The following AGAP3 variants were observed in gnomAD, a reference collection of about 807,000 sequenced individuals.
The protein encoded by AGAP3 is arf-GAP with GTPase, ANK repeat and PH domain-containing protein 3.
Under a neutral mutation model 96.9 loss-of-function variants are expected in AGAP3, and 24 were observed. That is an observed-to-expected ratio of 0.25 (90% CI 0.18 to 0.35). AGAP3 has a LOEUF of 0.35. AGAP3 is among the 10% of genes least tolerant of loss of function. AGAP3 has a pLI of 1.00. For missense variants in AGAP3, 876 were observed against 1,254.2 expected (o/e 0.70, Z 4.55); for synonymous variants, 563 against 536.1 (o/e 1.05, Z -0.69).
chr7:151,120,533 G>A (rs1049809780), intron 8 of AGAP3: 6 of 914,680 alleles, frequency 6.6e-6, no homozygotes, highest in African/African-American at 3.4e-5. Context: ...ATGAACCGGC[G>A]GCCGGAAGGC....
At chr7:151,115,674 A>G in intron 1 of AGAP3, 1 of 1,130,852 alleles carries the variant, frequency 8.8e-7, no homozygotes, top group Non-Finnish European at 1.1e-6. Flanking sequence ...CGTCTGGCAG[A>G]AAACAGCTCG....
At position 151,115,743 on chromosome 7, in the gene AGAP3, CGGGGTCTGGG is replaced by C. The variant is rs199698187; in HGVS notation, c.332-1048_332-1039del. ...AGCTGCCGCGCGCGTCCGGGGCTGG[CGGGGTCTGGG>C]GTCTGGACCGAGTGTCGTCCGCGCC... On this transcript the variant is annotated intron_variant, in intron 1 of 17. Coordinates refer to ENST00000397238, the MANE Select transcript of AGAP3 (RefSeq NM_031946.7). The C allele has an allele frequency of 8.6e-3, 6,607 of 764,678 alleles. 32 individuals are homozygous for C. The highest frequency in any genetic ancestry group is 0.01 in the Non-Finnish European group (6,208 of 613,226). 47.4% of individuals were successfully genotyped at this position (764,678 alleles called of 1,614,324 possible).
At chr7:151,115,101 C>A in intron 1 of AGAP3, 1 of 1,029,342 alleles carries the variant, frequency 9.7e-7, no homozygotes, top group Non-Finnish European at 1.2e-6. Context: ...GCCGACCCGG[C>A]GCAGCCGCAC....
intron 1 of AGAP3, among the ~76,000 whole-genome samples, chr7:151,094,982 C>T (rs1447725573): frequency 6.6e-6 from 1 of 152,108 alleles, no homozygotes; most frequent in Non-Finnish European, 1.5e-5. Context: ...TCAAGCAATC[C>T]TCCCACCTCA....
rs1251604345 is a variant in AGAP3, at chr7:151,114,849, G to T, written c.332-1944G>T. 1.9e-6 allele frequency: 2 copies of T among 1,052,610 alleles called. No homozygotes were observed. The highest frequency in any genetic ancestry group is 6.5e-5 in the South Asian group (2 of 30,650). The allele number at this position is 1,052,610 out of a possible 1,614,324, so 65.2% of individuals were successfully genotyped here. The stretch of plus-strand genomic sequence containing the variant: ...TTGCCGCCGCGCCCACAGCGTCTGC[G>T]ACTCGCTGGACCTGCACGGCGCCTC... On this transcript the variant is annotated intron_variant, in intron 1 of 17. Coordinates refer to ENST00000397238, the MANE Select transcript of AGAP3 (RefSeq NM_031946.7). The surrounding 1 kb of genome is among the most constrained non-coding windows in gnomAD (Gnocchi z 4.4).
rs767689243 is a variant in AGAP3, at chr7:151,118,358, C to T, written c.841+14C>T. ...TCTTCCAGGACGGTAACTCGGGTGC[C>T]GGGTGGGAGTCACTGGCAGCCGCGG... is the stretch of plus-strand genomic sequence containing the variant. On this transcript the variant is annotated intron_variant, in intron 6 of 17. Transcript: ENST00000397238. This position sits in a 1 kb window ranked among gnomAD's most constrained non-coding sequence, Gnocchi z 6.1. 1.3e-5 allele frequency: 21 copies of T among 1,604,512 alleles called. No homozygotes were observed. The highest frequency in any genetic ancestry group is 1.7e-5 in the Admixed American group (1 of 59,614).
chr7:151,096,080 G>A lies in AGAP3; in HGVS notation c.331+9008G>A, dbSNP rs188310530. On this transcript the variant is annotated intron_variant, in intron 1 of 17. Transcript: ENST00000397238. This position sits in a 1 kb window ranked among gnomAD's most constrained non-coding sequence, Gnocchi z 4.4. ...TGGGCATCCGTTTCATGGTGTGGGC[G>A]TGAGAAGCAAATCAGTTAACGTCTG... 8.3e-4 allele frequency among the ~76,000 whole-genome samples: 126 copies of A among 152,336 alleles called. 2 individuals carry two copies. The highest frequency in any genetic ancestry group is 3.9e-4 in the East Asian group (2 of 5,184).
intron 1 of AGAP3, chr7:151,115,453 T>G: frequency 9.9e-7 from 1 of 1,013,930 alleles, no homozygotes. Context: ...CTAGGCGCCT[T>G]CCCCAGCCGC....
At chr7:151,123,144 C>T (rs895674540) in intron 8 of AGAP3, 1 of 1,100,446 alleles carries the variant, frequency 9.1e-7, no homozygotes, top group Non-Finnish European at 1.1e-6. Flanking sequence ...CCCTCCCCTC[C>T]TCTGCTCCTT....
At position 151,117,375 on chromosome 7, in the gene AGAP3, G is replaced by T. The variant is rs1259998470; in HGVS notation, c.483G>T (p.Gly161=). Residue 161 remains glycine (G), a synonymous_variant, in exon 4 of 18, where the codon GGG becomes GGT. Coordinates refer to ENST00000397238, the MANE Select transcript of AGAP3 (RefSeq NM_031946.7). ...TYVQEESPEG[G]RFKKEIVVDG... ...TGACTGCGCGCTCTGTCCTAGGGGG[G>T]CGGTTTAAGAAGGAGATTGTGGTGG... is the stretch of plus-strand genomic sequence containing the variant. 2.8e-5 allele frequency: 45 copies of T among 1,614,090 alleles called. No homozygotes were observed. Among genetic ancestry groups the T allele is most frequent in the Non-Finnish European group, 3.6e-5 (43 of 1,180,022 alleles).
At chr7:151,095,701 C>A (rs1170974185) in intron 1 of AGAP3, among the ~76,000 whole-genome samples, 440 of 82,868 alleles carry the variant, frequency 5.3e-3, no homozygotes, top group South Asian at 6.6e-3. Context: ...CACAGTTGTA[C>A]AAAAAAAAAA....
chr7:151,117,959 G>A (rs1799677218), intron 5 of AGAP3, 182 bp downstream of exon 5: 1 of 952,488 alleles, frequency 1.0e-6, no homozygotes, highest in Non-Finnish European at 1.5e-6. Context: ...ACTGAAACCT[G>A]CTGTCCCTGT....
At chr7:151,117,990 T>C (rs1799679423) in intron 5 of AGAP3, 2 of 886,092 alleles carry the variant, frequency 2.3e-6, no homozygotes, top group South Asian at 3.7e-5. Flanking sequence ...TCTGTGTTTT[T>C]TTAGATGAAT....
At chr7:151,088,076 G>C (rs971332854) in intron 1 of AGAP3, among the ~76,000 whole-genome samples, 6 of 152,238 alleles carry the variant, frequency 3.9e-5, no homozygotes, top group African/African-American at 7.2e-5. Flanking sequence ...GGCCTTTTGC[G>C]ATAACATGGA....
intron 1 of AGAP3, among the ~76,000 whole-genome samples, chr7:151,112,396 C>CGTGTGTGTGTGTGTGTGTGTGTGTGT (rs71819427): frequency 7.2e-6 from 1 of 139,848 alleles, no homozygotes; most frequent in East Asian, 2.1e-4. Flanking sequence ...TTCCCCGAGA[C>CGTGTGTGTGTGTGTGTGTGTGTGTGT]GTGTGTGTGT....
chr7:151,100,611 C>T (rs543318544), intron 1 of AGAP3, among the ~76,000 whole-genome samples: 3 of 152,298 alleles, frequency 2.0e-5, no homozygotes, highest in South Asian at 2.1e-4. Context: ...GCAGGAGGAT[C>T]GCTTGAGTCC....
rs1799316876 is a variant in AGAP3 at position 151,112,137 on chromosome 7, C to G, written c.332-4656C>G. On this transcript the variant is annotated intron_variant, in intron 1 of 17. Coordinates refer to ENST00000397238, the MANE Select transcript of AGAP3 (RefSeq NM_031946.7). The stretch of plus-strand genomic sequence containing the variant: ...TCTCCTTTTCGGGGTCTTTGACTGG[C>G]TTGATGTCCTGAGACATTTATGTGG... 2.6e-5 allele frequency: 4 copies of G among 152,222 alleles called. No homozygotes were observed. In the South Asian group the frequency reaches 8.3e-4, roughly 32 times the overall value. The allele number at this position is 152,222 out of a possible 1,614,324, so 9.4% of individuals were successfully genotyped here. A position where few individuals can be genotyped will look rare whatever the true frequency, so the allele number is the denominator to read the frequency against.
rs1195281422 is a variant in AGAP3, at chr7:151,118,223, T to A, written c.720T>A (p.Ala240=). ...VLVGTQDAIS[A]ANPRVIDDSR... is the part of the protein sequence containing the mutation. ...CACCTCCAACAGATGCCATCAGCGC[T>A]GCGAATCCCCGGGTTATCGACGACA... The change falls in exon 6 of 18, where the codon GCT becomes GCA. Residue 240 remains alanine, a synonymous_variant. Transcript: ENST00000397238. This position sits in a 1 kb window ranked among gnomAD's most constrained non-coding sequence, Gnocchi z 6.1. 1 of 1,610,876 alleles carries A rather than the reference T, an allele frequency of 6.2e-7. No individual in the cohort carries two copies. Among genetic ancestry groups the A allele is most frequent in the Admixed American group, 1.7e-5 (1 of 59,866 alleles).
At chr7:151,111,578 G>A (rs994076349) in intron 1 of AGAP3, among the ~76,000 whole-genome samples, 2 of 137,178 alleles carry the variant, frequency 1.5e-5, no homozygotes, top group South Asian at 2.6e-4. Context: ...TGACCCCCCC[G>A]GCCCCTCACC....
Sources: gnomAD v4.1 joint callset for allele counts (sites outside exome capture counted in the v4.1 genomes callset) on GRCh38, gnomAD v4.1.1 for gene constraint, Gnocchi (gnomAD v3.1) non-coding constraint, MANE v1.5 for transcripts, NCBI Gene and HGNC (gene_info 2026-07-23, HGNC 2026-07-21) for gene names.